Variants in HMGCS1 observed in about 807,000 individuals in gnomAD.
The protein encoded by HMGCS1 is 3-hydroxy-3-methylglutaryl-CoA synthase 1.
HMGCS1 carries 9 observed loss-of-function variants against 52.3 expected under a neutral mutation model. The observed-to-expected ratio is 0.17, with a 90% confidence interval of 0.10 to 0.30. The LOEUF (loss-of-function observed/expected upper bound fraction) is 0.30. HMGCS1 is among the 10% of genes least tolerant of loss of function. HMGCS1 has a pLI of 1.00. For synonymous variants in HMGCS1, 176 were observed against 214.4 expected (o/e 0.82, Z 1.57); for missense variants, 320 against 620.9 (o/e 0.52, Z 5.15).
Position 43,290,634 on chromosome 5 carries a change from AC to A in HMGCS1, c.*496del. 6.5e-6 allele frequency: 1 copy of A among 152,710 alleles called. No individual in the cohort carries two copies. Among genetic ancestry groups the A allele is most frequent in the Non-Finnish European group, 1.5e-5 (1 of 68,336 alleles). 9.5% of individuals were successfully genotyped at this position (152,710 alleles called of 1,614,324 possible). On this transcript the variant is annotated 3_prime_UTR_variant, in exon 11 of 11. Transcript: ENST00000325110. ...AAAGGGTTTGTGCGTATCACATTTT[AC>A]CACATTTTACCCCAATTTTACCACA...
At chr5:43,307,465 C>T (rs553792360) in intron 2 of HMGCS1, among the ~76,000 whole-genome samples, 1 of 152,216 alleles carries the variant, frequency 6.6e-6, no homozygotes, top group East Asian at 1.9e-4. Flanking sequence ...TCATGTTTAC[C>T]TCTGATTGTT....
chr5:43,311,564 C>T (rs1247755031), intron 1 of HMGCS1, among the ~76,000 whole-genome samples: 5 of 152,130 alleles, frequency 3.3e-5, no homozygotes, highest in Non-Finnish European at 7.4e-5. Flanking sequence ...TCCAATTCCA[C>T]TGGATTATGG....
At chr5:43,299,138 AATT>A (rs1227143508) in intron 2 of HMGCS1, among the ~76,000 whole-genome samples, 163 bp from the exon 3 acceptor site, 1 of 152,196 alleles carries the variant, frequency 6.6e-6, no homozygotes, top group Non-Finnish European at 1.5e-5. Context: ...GTGAAGTAGC[AATT>A]ATTATATGAA....
rs373050468 is a variant in HMGCS1 at position 43,290,982 on chromosome 5, T to C, written c.*149A>G. The C allele has an allele frequency of 1.9e-5, 11 of 592,968 alleles. No homozygotes were observed. Among genetic ancestry groups the C allele is most frequent in the African/African-American group, 7.3e-5 (4 of 54,428 alleles). 36.7% of individuals were successfully genotyped at this position (592,968 alleles called of 1,614,324 possible). On this transcript the variant is annotated 3_prime_UTR_variant, in exon 11 of 11. Transcript: ENST00000325110. Reference sequence around the variant, plus strand: ...CAAAGAGACTTTCCCAAGTACACGATAGTCATCCAGGCTCCATGTCAGTCA... The same window carrying C: ...CAAAGAGACTTTCCCAAGTACACGACAGTCATCCAGGCTCCATGTCAGTCA...
intron 1 of HMGCS1, among the ~76,000 whole-genome samples, chr5:43,312,607 T>C (rs1754925065): frequency 6.6e-6 from 1 of 152,142 alleles, no homozygotes. Context: ...CATTACACTG[T>C]ATCACCTAAA....
At chr5:43,305,074 C>T (rs1314868535) in intron 2 of HMGCS1, among the ~76,000 whole-genome samples, 2 of 151,566 alleles carry the variant, frequency 1.3e-5, no homozygotes, top group Non-Finnish European at 2.9e-5. Flanking sequence ...GCAACCTCCG[C>T]CTCCCAGGTT....
chr5:43,291,267 C>A, intron 10 of HMGCS1, 47 bp from the exon 11 acceptor site: 2 of 1,140,766 alleles, frequency 1.8e-6, no homozygotes, highest in South Asian at 1.2e-5. Context: ...TTCTTTCCCC[C>A]ACAAGAATCA....
chr5:43,312,983 C>G (rs1754950880), intron 1 of HMGCS1: 1 of 153,552 alleles, frequency 6.5e-6, no homozygotes, highest in Admixed American at 6.5e-5. Flanking sequence ...CTTGGTAGCC[C>G]AACTGTCTTC....
At position 43,305,806 on chromosome 5, in the gene HMGCS1, A is replaced by G. The variant is rs1482100541; in HGVS notation, c.-11+1960T>C. On this transcript the variant is annotated intron_variant, in intron 2 of 10. Coordinates refer to ENST00000325110, the MANE Select transcript of HMGCS1 (RefSeq NM_001098272.3). ...CAAAAAAAAAAAAAAAAAAATTTAA[A>G]AAATTTAAAAAAAGAGATAAATCAC... 2.0e-5 allele frequency among the ~76,000 whole-genome samples: 3 copies of G among 151,754 alleles called. No homozygotes were observed. The East Asian group carries it at 5.8e-4, about 29-fold the overall frequency.
Position 43,307,064 on chromosome 5 carries a change from A to G in HMGCS1, c.-11+702T>C, listed in dbSNP as rs998390643. Among the ~76,000 whole-genome samples the G allele has an allele frequency of 4.2e-5, 6 of 142,490 alleles. No individual in the cohort carries two copies. The Admixed American group carries it at 4.4e-4, about 10-fold the overall frequency. The allele number at this position is 142,490 out of a possible 152,430, so 93.5% of individuals were successfully genotyped here. A position where few individuals can be genotyped will look rare whatever the true frequency, so the allele number is the denominator to read the frequency against. ...ATTTGAAATTACTGTCCATTCTCACATAATTTTTTTTTTTTTTTTTTTTTG... is the reference window on the plus strand; with the variant it reads ...ATTTGAAATTACTGTCCATTCTCACGTAATTTTTTTTTTTTTTTTTTTTTG... On this transcript the variant is annotated intron_variant, in intron 2 of 10. Coordinates refer to ENST00000325110, the MANE Select transcript of HMGCS1 (RefSeq NM_001098272.3).
intron 6 of HMGCS1, among the ~76,000 whole-genome samples, chr5:43,295,133 T>C (rs921987249): frequency 8.5e-5 from 13 of 152,258 alleles, no homozygotes; most frequent in Admixed American, 2.0e-4. Context: ...TTCACTTATA[T>C]TGGCTTCAAT....
Position 43,292,523 on chromosome 5 carries a change from T to C in HMGCS1, c.1424A>G (p.Asp475Gly), listed in dbSNP as rs1265228906. 1 of 1,614,008 alleles carries C rather than the reference T, an allele frequency of 6.2e-7. No individual in the cohort carries two copies. The highest frequency in any genetic ancestry group is 1.1e-5 in the South Asian group (1 of 91,084). Residue 475 changes from aspartate (D) to glycine (G), a missense_variant, in exon 10 of 11, where the codon GAC (aspartate) becomes GGC (glycine). Physicochemically the swap from Asp to Gly is moderately conservative, Grantham distance 94. Transcript: ENST00000325110. Reference protein sequence around the residue: ...TYARRPTPNDDTLDEGVGLVH... With the variant: ...TYARRPTPNDGTLDEGVGLVH... ...AAGTCCTACTCCTTCATCCAAAGTG[T>C]CATCATTTGGAGTGGGACGCCGAGC...
intron 7 of HMGCS1, chr5:43,294,412 C>A: frequency 1.9e-6 from 1 of 515,086 alleles, no homozygotes; most frequent in Non-Finnish European, 3.4e-6. Context: ...AAACAAGTTA[C>A]TTCATCAACC....
intron 2 of HMGCS1, among the ~76,000 whole-genome samples, chr5:43,306,848 C>A (rs906656606): frequency 9.2e-5 from 14 of 152,244 alleles, no homozygotes; most frequent in Admixed American, 2.6e-4. Flanking sequence ...CGGTACCCAA[C>A]CCACTGTTTG....
At chr5:43,309,323 C>T (rs1037966420) in intron 1 of HMGCS1, among the ~76,000 whole-genome samples, 6 of 151,654 alleles carry the variant, frequency 4.0e-5, no homozygotes, top group African/African-American at 1.2e-4. Context: ...ACTGTAACCT[C>T]GACCTCCCAG....
At position 43,298,567 on chromosome 5, in the gene HMGCS1, T is replaced by C; in HGVS notation, c.399A>G (p.Thr133=). Reference sequence around the variant, plus strand: ...AGTTAACAGCATTGAAGACAGCAGCTGTGCCTCCATAGCATGCATTAGTTG... The same window carrying C: ...AGTTAACAGCATTGAAGACAGCAGCCGTGCCTCCATAGCATGCATTAGTTG... The part of the protein sequence containing the change: ...IDTTNACYGG[T]AAVFNAVNWI... Residue 133 remains threonine, a synonymous_variant, in exon 3 of 11, where the codon ACA becomes ACG. Coordinates refer to ENST00000325110, the MANE Select transcript of HMGCS1 (RefSeq NM_001098272.3). This position sits in a 1 kb window ranked among gnomAD's most constrained non-coding sequence, Gnocchi z 5.6. 1 of 1,614,194 alleles carries C rather than the reference T, an allele frequency of 6.2e-7. No individual in the cohort carries two copies. The highest frequency in any genetic ancestry group is 1.3e-5 in the African/African-American group (1 of 75,064).
At position 43,290,878 on chromosome 5, in the gene HMGCS1, G is replaced by C; in HGVS notation, c.*253C>G. The C allele has an allele frequency of 2.5e-6, 1 of 395,848 alleles. No individual in the cohort carries two copies. The highest frequency in any genetic ancestry group is 4.6e-6 in the Non-Finnish European group (1 of 218,238). The allele number at this position is 395,848 out of a possible 1,614,324, so 24.5% of individuals were successfully genotyped here. A position where few individuals can be genotyped will look rare whatever the true frequency, so the allele number is the denominator to read the frequency against. On this transcript the variant is annotated 3_prime_UTR_variant, in exon 11 of 11. Transcript: ENST00000325110. The stretch of plus-strand genomic sequence containing the variant: ...ATACAAATGGCCAAAGAGGTATGAA[G>C]TTTTACAGAGCCCTTAACATCATTC...
chr5:43,294,224 G>A, intron 7 of HMGCS1, 62 bp from the exon 8 acceptor site: 2 of 1,019,502 alleles, frequency 2.0e-6, no homozygotes, highest in Non-Finnish European at 3.1e-6. Flanking sequence ...CGTGTGGGAA[G>A]CTATAAAAGT....
rs1354603469 is a variant in HMGCS1 at position 43,292,780 on chromosome 5, A to G, written c.1309+68T>C. The G allele has an allele frequency of 2.6e-6, 4 of 1,542,854 alleles. No individual in the cohort carries two copies. In the East Asian group the frequency reaches 6.7e-5, roughly 26 times the overall value. Reference sequence around the variant, plus strand: ...AGTAAAGTCTTGATATCCTTATCGTATATGTAGCATCCTTAATGATATCAG... The same window carrying G: ...AGTAAAGTCTTGATATCCTTATCGTGTATGTAGCATCCTTAATGATATCAG... On this transcript the variant is annotated intron_variant, in intron 9 of 10. Coordinates refer to ENST00000325110, the MANE Select transcript of HMGCS1 (RefSeq NM_001098272.3).
Sources: allele counts gnomAD v4.1 joint callset (sites outside exome capture counted in the v4.1 genomes callset), GRCh38; gene constraint gnomAD v4.1.1; non-coding constraint Gnocchi (gnomAD v3.1); transcripts MANE v1.5; gene names NCBI Gene and HGNC (gene_info 2026-07-23, HGNC 2026-07-21).